UBE3C: variants seen among roughly 807,000 people sequenced by gnomAD.
UBE3C encodes the protein ubiquitin-protein ligase E3C.
Under a neutral mutation model 129.4 loss-of-function variants are expected in UBE3C, and 42 were observed. The observed-to-expected ratio is 0.32, with a 90% CI of 0.25 to 0.42. UBE3C has a LOEUF of 0.42. Ranked by LOEUF, UBE3C falls within the 10% of genes least tolerant of loss-of-function variation. The probability of loss-of-function intolerance (pLI) is 1.00; values close to 1 mark genes in which losing one functional copy is unlikely to be tolerated. For missense variants in UBE3C, 1,049 were observed against 1,319.1 expected, an observed-to-expected ratio of 0.80 and a Z score of 3.17; for synonymous variants, 510 against 492.4, an observed-to-expected ratio of 1.04 and a Z score of -0.47.
chr7:157,163,670 T>A, intron 1 of UBE3C, 140 bp from the exon 2 acceptor site: 1 of 781,034 alleles, frequency 1.3e-6, no homozygotes, highest in South Asian at 1.8e-5. Flanking sequence ...CCTCAGATTC[T>A]CTCATCTGAT....
intron 4 of UBE3C, among the ~76,000 whole-genome samples, chr7:157,174,651 A>T (rs1489952148): frequency 6.6e-6 from 1 of 152,022 alleles, no homozygotes; most frequent in African/African-American, 2.4e-5. Context: ...ACAGGGTTTC[A>T]CCATGTTGGC....
chr7:157,142,570 G>GTGT, intron 1 of UBE3C, among the ~76,000 whole-genome samples: 1 of 152,154 alleles, frequency 6.6e-6, no homozygotes, highest in East Asian at 1.9e-4. Context: ...CCAGGTTCGT[G>GTGT]GAGCGGGGTG....
chr7:157,159,733 G>A (rs1003098764), intron 1 of UBE3C, among the ~76,000 whole-genome samples: 1 of 152,154 alleles, frequency 6.6e-6, no homozygotes, highest in Non-Finnish European at 1.5e-5. Context: ...CGAGCGTGGT[G>A]GCACATGGTA....
chr7:157,238,794 G>A (rs1053330779), intron 18 of UBE3C, among the ~76,000 whole-genome samples: 1 of 152,194 alleles, frequency 6.6e-6, no homozygotes, highest in Non-Finnish European at 1.5e-5. Flanking sequence ...GCTCTCCAAG[G>A]TTTAGAGTCC....
chr7:157,214,594 T>C (rs564712243), intron 13 of UBE3C, among the ~76,000 whole-genome samples: 11 of 152,206 alleles, frequency 7.2e-5, no homozygotes, highest in Non-Finnish European at 1.5e-4. Context: ...TAAATCTGGA[T>C]TTATTTAAAG....
chr7:157,259,575 C>G (rs1264822118), intron 22 of UBE3C, among the ~76,000 whole-genome samples: 2 of 152,210 alleles, frequency 1.3e-5, no homozygotes, highest in Non-Finnish European at 2.9e-5. Flanking sequence ...ATCTACTACA[C>G]TGTGTATGAA....
chr7:157,201,694 CTG>C, intron 10 of UBE3C, 25 bp from the exon 11 acceptor site: 1 of 511,510 alleles, frequency 2.0e-6, no homozygotes. Context: ...CTTTACTGTT[CTG>C]TGTTTTTCTC....
At chr7:157,193,868 T>C (rs879238944) in intron 10 of UBE3C, among the ~76,000 whole-genome samples, 1 of 152,184 alleles carries the variant, frequency 6.6e-6, no homozygotes, top group Non-Finnish European at 1.5e-5. Context: ...AAACACTACA[T>C]AGCACACATG....
intron 11 of UBE3C, among the ~76,000 whole-genome samples, chr7:157,203,007 T>C (rs1353339299): frequency 6.6e-6 from 1 of 152,218 alleles, no homozygotes; most frequent in Non-Finnish European, 1.5e-5. Context: ...TAATGAAAAC[T>C]CTTGTTGAGA....
In UBE3C at chr7:157,183,973, G is replaced by C. The variant is rs377393340; in HGVS notation, c.1087G>C (p.Asp363His). Residue 363 changes from aspartate (D) to histidine (H), a missense_variant, in exon 9 of 23, where the codon GAC becomes CAC. Physicochemically the swap from Asp to His is moderately conservative, Grantham distance 81. Coordinates refer to ENST00000348165, the MANE Select transcript of UBE3C (RefSeq NM_014671.3). ...CTCTCCTGCCAGCGCGAGCTGTCAC[G>C]ACTCAGCCAGTGACTCTGAGGAGGA... Reference protein sequence around the residue: ...PVSPASASCHDSASDSEEESE... With the variant: ...PVSPASASCHHSASDSEEESE... The C allele has an allele frequency of 6.2e-7, 1 of 1,614,016 alleles. No individual in the cohort carries two copies. The highest frequency in any genetic ancestry group is 1.3e-5 in the African/African-American group (1 of 74,928).
chr7:157,247,448 C>G (rs933383385), intron 18 of UBE3C, among the ~76,000 whole-genome samples: 11 of 152,178 alleles, frequency 7.2e-5, no homozygotes, highest in African/African-American at 2.7e-4. Context: ...TCCCAGCACT[C>G]TGGGAGGCCG....
chr7:157,214,267 G>A (rs961857515), intron 13 of UBE3C, among the ~76,000 whole-genome samples: 2 of 152,192 alleles, frequency 1.3e-5, no homozygotes, highest in African/African-American at 4.8e-5. Context: ...TAATAATTTA[G>A]TAGAAGAATG....
intron 4 of UBE3C, among the ~76,000 whole-genome samples, chr7:157,171,655 ATATTT>A (rs1209804186): frequency 2.3e-4 from 26 of 114,506 alleles, no homozygotes; most frequent in African/African-American, 7.3e-4. Context: ...ACATTTTTAA[ATATTT>A]TATATATATA....
intron 18 of UBE3C, among the ~76,000 whole-genome samples, chr7:157,235,783 C>G (rs1486460531): frequency 6.6e-6 from 1 of 152,204 alleles, no homozygotes; most frequent in Non-Finnish European, 1.5e-5. Flanking sequence ...ACATTACTCT[C>G]TGTGTGGAAA....
intron 10 of UBE3C, 60 bp from the exon 11 acceptor site, chr7:157,201,661 G>GA: frequency 4.7e-6 from 1 of 212,182 alleles, no homozygotes; most frequent in Non-Finnish European, 7.8e-6. Flanking sequence ...TTTTTTTTAA[G>GA]AAATGTTTTG....
rs148732363 is a variant in UBE3C, at chr7:157,154,778, G to A, written c.67-9032G>A. Among the ~76,000 whole-genome samples, 316 of 152,286 alleles carry A rather than the reference G, an allele frequency of 2.1e-3. 1 individual carries two copies. Among genetic ancestry groups the A allele is most frequent in the African/African-American group, 7.2e-3 (298 of 41,562 alleles). The stretch of plus-strand genomic sequence containing the variant: ...CTAGTCAAGTGAAGCAGAAGGAGTG[G>A]AGAAGGAACAAAGAAATCTATAACT... On this transcript the variant is annotated intron_variant, in intron 1 of 22. Coordinates refer to ENST00000348165, the MANE Select transcript of UBE3C (RefSeq NM_014671.3).
intron 1 of UBE3C, among the ~76,000 whole-genome samples, chr7:157,160,062 G>A (rs559578007): frequency 7.6e-4 from 115 of 151,218 alleles, no homozygotes; most frequent in African/African-American, 2.7e-3. Context: ...ATGTAATTCC[G>A]TAGTTACTTT....
chr7:157,184,923 G>A (rs763607729), intron 9 of UBE3C, among the ~76,000 whole-genome samples: 5 of 152,188 alleles, frequency 3.3e-5, no homozygotes, highest in Admixed American at 6.5e-5. Flanking sequence ...TGAGGGGTGG[G>A]CTGATGACAA....
chr7:157,179,362 A>C (rs547228439), intron 6 of UBE3C, among the ~76,000 whole-genome samples: 3 of 152,240 alleles, frequency 2.0e-5, no homozygotes, highest in African/African-American at 7.2e-5. Context: ...ATTTAGTTTG[A>C]ATTTTCTAAC....
Sources: gnomAD v4.1 joint callset for allele counts (sites outside exome capture counted in the v4.1 genomes callset) on GRCh38, gnomAD v4.1.1 for gene constraint, MANE v1.5 for transcripts, NCBI Gene and HGNC (gene_info 2026-07-23, HGNC 2026-07-21) for gene names.